Variants in ALPK3 observed in about 807,000 individuals in gnomAD.
ALPK3 encodes alpha kinase 3, also known as alpha-protein kinase 3.
Under a neutral mutation model 140.0 loss-of-function variants are expected in ALPK3, and 102 were observed. The ratio of observed to expected loss-of-function variants is 0.73; its 90% CI spans 0.62 to 0.86. ALPK3 has a LOEUF of 0.86. ALPK3 is among the 40% of genes least tolerant of loss of function. The pLI is 0.00. For synonymous variants in ALPK3, 938 were observed against 898.5 expected (o/e 1.04, Z -0.79); for missense variants, 2,254 against 2,208.2 (o/e 1.02, Z -0.42).
intron 2 of ALPK3, among the ~76,000 whole-genome samples, chr15:84,826,223 T>A (rs1390899035): frequency 1.3e-5 from 2 of 152,164 alleles, no homozygotes; most frequent in Non-Finnish European, 2.9e-5. Flanking sequence ...GAATGTGGAA[T>A]CCCTCCCCAC....
intron 1 of ALPK3, among the ~76,000 whole-genome samples, chr15:84,822,846 A>G (rs1376281991): frequency 6.6e-6 from 1 of 152,122 alleles, no homozygotes; most frequent in African/African-American, 2.4e-5. Flanking sequence ...CTCTTTAACC[A>G]TACTTTAACA....
chr15:84,858,433 A>T lies in ALPK3; in HGVS notation c.3695A>T (p.Glu1232Val). Residue 1232 changes from glutamate to valine, a missense_variant, in exon 6 of 14, where the codon GAG (glutamate) becomes GTG (valine). Glu to Val is a moderately radical substitution (Grantham distance 121, BLOSUM62 -2). Transcript: ENST00000258888. ...SMLEVPRAEE[E>V]LAAGDLGPSP... is the part of the protein sequence containing the mutation. ...CTGGAGGTGCCTCGGGCAGAGGAGG[A>T]GCTGGCGGCAGGAGACCTGGGCCCC... 6.4e-7 allele frequency: 1 copy of T among 1,563,286 alleles called. No individual in the cohort carries two copies. The highest frequency in any genetic ancestry group is 8.6e-7 in the Non-Finnish European group (1 of 1,157,320).
chr15:84,863,661 A>G (rs1963973628), intron 11 of ALPK3, 21 bp downstream of exon 11: 2 of 1,610,972 alleles, frequency 1.2e-6, no homozygotes, highest in South Asian at 2.2e-5. Flanking sequence ...AGCGAGGAGG[A>G]CGTGCAGTGT....
At chr15:84,825,776 A>G (rs1963479309) in intron 2 of ALPK3, among the ~76,000 whole-genome samples, 1 of 152,172 alleles carries the variant, frequency 6.6e-6, no homozygotes, top group African/African-American at 2.4e-5. Flanking sequence ...TATTTCCCCA[A>G]ATCAGAAATT....
intron 3 of ALPK3, among the ~76,000 whole-genome samples, chr15:84,830,977 G>C (rs1050421191): frequency 6.6e-6 from 1 of 152,190 alleles, no homozygotes; most frequent in African/African-American, 2.4e-5. Context: ...GCCTCCCAAA[G>C]TGCTGGGATT....
In ALPK3 at chr15:84,858,205, C is replaced by T; in HGVS notation, c.3467C>T (p.Pro1156Leu). The change falls in exon 6 of 14, where the codon CCT becomes CTT. Residue 1156 changes from proline (P) to leucine (L), a missense_variant. Pro to Leu is a moderately conservative substitution (Grantham distance 98). Around this residue, in one of 3 missense-constraint regions of ALPK3, gnomAD observed 2,088 missense variants for 2,022.9 expected, o/e 1.03. Coordinates refer to ENST00000258888, the MANE Select transcript of ALPK3 (RefSeq NM_020778.5). ...EALTGLPAAT[P>L]EELALGARRK... ...CTGACAGGTCTCCCGGCAGCTACAC[C>T]TGAGGAACTGGCTCTAGGGGCCCGG... The T allele has an allele frequency of 6.2e-7, 1 of 1,612,666 alleles. No individual in the cohort carries two copies. Among genetic ancestry groups the T allele is most frequent in the Non-Finnish European group, 8.5e-7 (1 of 1,179,394 alleles).
rs541612157 is a variant in ALPK3, at chr15:84,867,361, C to T, written c.4768C>T (p.Arg1590Ter). 21 of 1,613,896 alleles carry T rather than the reference C, an allele frequency of 1.3e-5. No homozygotes were observed. The highest frequency in any genetic ancestry group is 1.6e-5 in the Non-Finnish European group (19 of 1,179,998). ...TGATGTGCAGATTGCTACCAAACTCCGAGGGTGAGTGGTTCTTGGGGACAG... is the reference window on the plus strand; with the variant it reads ...TGATGTGCAGATTGCTACCAAACTCTGAGGGTGAGTGGTTCTTGGGGACAG... The part of the protein sequence containing the change: ...MTDVQIATKL[R>*]GYQGLKESCF... The change falls in exon 13 of 14, where the codon CGA (arginine) becomes TGA (stop). Residue 1590 changes from arginine to a stop codon, truncating the protein, a stop_gained. Coordinates refer to ENST00000258888, the MANE Select transcript of ALPK3 (RefSeq NM_020778.5). LOFTEE classifies it high-confidence loss of function.
At chr15:84,842,505 G>A (rs947323029) in intron 5 of ALPK3, among the ~76,000 whole-genome samples, 2 of 152,152 alleles carry the variant, frequency 1.3e-5, no homozygotes, top group Admixed American at 1.3e-4. Context: ...ACAGAGGACA[G>A]GTGGTTTCTC....
Position 84,827,623 on chromosome 15 carries a change from A to G in ALPK3, c.304+18A>G, listed in dbSNP as rs1020125672. On this transcript the variant is annotated intron_variant, in intron 3 of 13. Transcript: ENST00000258888. ...CGTCACAGGTAAGGATGCTGTCTGT[A>G]TGCTCCATGCCAGGGCCTCTGCACA... 4 of 1,613,470 alleles carry G rather than the reference A, an allele frequency of 2.5e-6. No individual in the cohort carries two copies. Among genetic ancestry groups the G allele is most frequent in the Non-Finnish European group, 3.4e-6 (4 of 1,180,006 alleles).
intron 5 of ALPK3, among the ~76,000 whole-genome samples, chr15:84,846,814 C>T (rs535520076): frequency 1.5e-4 from 23 of 152,194 alleles, no homozygotes; most frequent in South Asian, 1.0e-3. Context: ...TTGCCTGGCA[C>T]GCTGCAGTGG....
At position 84,862,615 on chromosome 15, in the gene ALPK3, T is replaced by A; in HGVS notation, c.4130-20T>A. On this transcript the variant is annotated intron_variant, in intron 9 of 13. Coordinates refer to ENST00000258888, the MANE Select transcript of ALPK3 (RefSeq NM_020778.5). ...AGACAGGAGCTCCTGGTCTCCCACA[T>A]TTCTCCTGTTCCCCTTCAGTTGGAG... 6.3e-7 allele frequency: 1 copy of A among 1,585,030 alleles called. No homozygotes were observed. The highest frequency in any genetic ancestry group is 1.1e-5 in the South Asian group (1 of 87,590).
At chr15:84,852,607 A>G in intron 5 of ALPK3, 1 of 283,610 alleles carries the variant, frequency 3.5e-6, no homozygotes, top group African/African-American at 2.2e-5. Flanking sequence ...AGCCTCTTTG[A>G]AATGACCTAT....
chr15:84,858,079 G>A lies in ALPK3; in HGVS notation c.3341G>A (p.Arg1114Gln), dbSNP rs756635127. ...GASQESSMAG[R>Q]LGEAGGQAAP... ...TCTCAGGAGAGCAGCATGGCTGGTCGACTGGGGGAGGCGGGTGGGCAGGCA... is the reference window on the plus strand; with the variant it reads ...TCTCAGGAGAGCAGCATGGCTGGTCAACTGGGGGAGGCGGGTGGGCAGGCA... Residue 1114 changes from arginine (R) to glutamine (Q), a missense_variant, in exon 6 of 14, where the codon CGA (arginine) becomes CAA (glutamine). Arg to Gln is a conservative substitution (Grantham distance 43, BLOSUM62 1). Around this residue, in one of 3 missense-constraint regions of ALPK3, gnomAD observed 2,088 missense variants for 2,022.9 expected, o/e 1.03. Transcript: ENST00000258888. 8 of 1,567,910 alleles carry A rather than the reference G, an allele frequency of 5.1e-6. No homozygotes were observed. Among genetic ancestry groups the A allele is most frequent in the Middle Eastern group, 1.7e-4 (1 of 5,844 alleles).
intron 6 of ALPK3, 50 bp downstream of exon 6, chr15:84,858,605 A>T: frequency 6.6e-6 from 10 of 1,516,978 alleles, no homozygotes; most frequent in Non-Finnish European, 8.8e-6. Context: ...GGGCCACAGA[A>T]AGCACACTGC....
In ALPK3 at chr15:84,858,671, A is replaced by G. The variant is rs574839017; in HGVS notation, c.3817+116A>G. Reference sequence around the variant, plus strand: ...GATAGCATATCCCTCCTCGGGATTCATAAATTACCTTGGTAAAGGTACCCT... The same window carrying G: ...GATAGCATATCCCTCCTCGGGATTCGTAAATTACCTTGGTAAAGGTACCCT... On this transcript the variant is annotated intron_variant, in intron 6 of 13. Coordinates refer to ENST00000258888, the MANE Select transcript of ALPK3 (RefSeq NM_020778.5). 4 of 1,400,616 alleles carry G rather than the reference A, an allele frequency of 2.9e-6. No homozygotes were observed. In the East Asian group the frequency reaches 9.7e-5, roughly 34 times the overall value. The allele number at this position is 1,400,616 out of a possible 1,614,324, so 86.8% of individuals were successfully genotyped here.
At chr15:84,862,533 T>G (rs922632133) in intron 9 of ALPK3, 102 bp from the exon 10 acceptor site, 7 of 1,404,056 alleles carry the variant, frequency 5.0e-6, no homozygotes, top group Non-Finnish European at 6.8e-6. Flanking sequence ...GCCCAGCAGG[T>G]TGGCAGGGTG....
Position 84,840,652 on chromosome 15 carries a change from G to A in ALPK3, c.1373G>A (p.Gly458Glu), listed in dbSNP as rs375166303. ...GCACCCCTCAGGGCTAGAAGCGAGGGGGTGCCTGGCGCTCCTGGCCAGCCC... is the reference window on the plus strand; with the variant it reads ...GCACCCCTCAGGGCTAGAAGCGAGGAGGTGCCTGGCGCTCCTGGCCAGCCC... ...GKAPLRARSE[G>E]VPGAPGQPTH... The change falls in exon 5 of 14, where the codon GGG becomes GAG. Residue 458 changes from glycine (G) to glutamate (E), a missense_variant. Physicochemically the swap from Gly to Glu is moderately conservative, Grantham distance 98. Transcript: ENST00000258888. 1.9e-6 allele frequency: 3 copies of A among 1,577,182 alleles called. No homozygotes were observed. In the African/African-American group the frequency reaches 4.1e-5, roughly 21 times the overall value.
Position 84,840,593 on chromosome 15 carries a change from T to A in ALPK3, c.1314T>A (p.Ser438Arg). 1 of 1,565,528 alleles carries A rather than the reference T, an allele frequency of 6.4e-7. No homozygotes were observed. Among genetic ancestry groups the A allele is most frequent in the Non-Finnish European group, 8.6e-7 (1 of 1,158,770 alleles). ...PLGEEGPQTL[S>R]VRAPGESPKG... Reference sequence around the variant, plus strand: ...GGGAAGAGGGACCCCAGACCCTGAGTGTCCGGGCGCCTGGGGAGAGTCCCA... The same window carrying A: ...GGGAAGAGGGACCCCAGACCCTGAGAGTCCGGGCGCCTGGGGAGAGTCCCA... Residue 438 changes from serine (S) to arginine (R), a missense_variant, in exon 5 of 14, where the codon AGT becomes AGA. Ser to Arg is a moderately radical substitution (Grantham distance 110). Around this residue, in one of 3 missense-constraint regions of ALPK3, gnomAD observed 2,088 missense variants for 2,022.9 expected, o/e 1.03. Coordinates refer to ENST00000258888, the MANE Select transcript of ALPK3 (RefSeq NM_020778.5).
Position 84,856,474 on chromosome 15 carries a change from C to G in ALPK3, c.1736C>G (p.Ser579Cys), listed in dbSNP as rs1446173829. The G allele has an allele frequency of 6.2e-7, 1 of 1,614,108 alleles. No individual in the cohort carries two copies. Among genetic ancestry groups the G allele is most frequent in the East Asian group, 2.2e-5 (1 of 44,886 alleles). Residue 579 changes from serine (S) to cysteine (C), a missense_variant, in exon 6 of 14, where the codon TCC becomes TGC. Ser to Cys is a moderately radical substitution (Grantham distance 112). This residue lies in a region of ALPK3 where 2,088 missense variants were observed against 2,022.9 expected (regional missense o/e 1.03). Coordinates refer to ENST00000258888, the MANE Select transcript of ALPK3 (RefSeq NM_020778.5). ...SDVASIGVST[S>C]GSQGIIEPMD... ...GTAGCCTCCATTGGGGTTAGCACTT[C>G]CGGAAGTCAAGGTATCATTGAACCC...
Sources: gnomAD v4.1 joint callset for allele counts (sites outside exome capture counted in the v4.1 genomes callset) on GRCh38, gnomAD v4.1.1 for gene constraint, gnomAD v4.1.1 regional missense constraint, MANE v1.5 for transcripts, NCBI Gene and HGNC (gene_info 2026-07-23, HGNC 2026-07-21) for gene names.